SMAD3: variants seen among roughly 807,000 people sequenced by gnomAD.
SMAD3 encodes the protein SMAD family member 3.
A neutral mutation model predicts 51.8 loss-of-function variants in SMAD3; 12 were observed. The ratio of observed to expected loss-of-function variants is 0.23; its 90% confidence interval spans 0.15 to 0.38. The LOEUF is 0.38. Ranked by LOEUF, SMAD3 falls within the 10% of genes least tolerant of loss-of-function variation. The pLI is 1.00. For missense variants in SMAD3, 294 were observed against 565.6 expected, an observed-to-expected ratio of 0.52 and a Z score of 4.87; for synonymous variants, 238 against 227.7, an observed-to-expected ratio of 1.05 and a Z score of -0.41.
chr15:67,069,051 T>A (rs1959991413), intron 1 of SMAD3, among the ~76,000 whole-genome samples: 2 of 152,146 alleles, frequency 1.3e-5, no homozygotes, highest in African/African-American at 4.8e-5. Flanking sequence ...TCTAAGGAGA[T>A]TAAGCCAAGT....
intron 1 of SMAD3, among the ~76,000 whole-genome samples, chr15:67,069,293 C>A (rs1331704948): frequency 6.6e-6 from 1 of 152,176 alleles, no homozygotes; most frequent in Non-Finnish European, 1.5e-5. Flanking sequence ...AAGGGGCTGT[C>A]AGGATACTCT....
At chr15:67,127,929 G>A (rs1961431889) in intron 1 of SMAD3, among the ~76,000 whole-genome samples, 1 of 152,312 alleles carries the variant, frequency 6.6e-6, no homozygotes, top group Middle Eastern at 3.4e-3. Context: ...TAAATTTTCA[G>A]CCTTGCTAAT....
intron 1 of SMAD3, among the ~76,000 whole-genome samples, chr15:67,098,103 T>G (rs1299849996): frequency 6.6e-6 from 1 of 152,110 alleles, no homozygotes; most frequent in Non-Finnish European, 1.5e-5. Flanking sequence ...AGATGACATA[T>G]GGAGAAATCG....
chr15:67,190,209 G>A lies in SMAD3; in HGVS notation c.1155-204G>A, dbSNP rs148131186. Among the ~76,000 whole-genome samples, 286 of 152,220 alleles carry A rather than the reference G, an allele frequency of 1.9e-3. 1 individual carries two copies. Among genetic ancestry groups the A allele is most frequent in the African/African-American group, 6.6e-3 (272 of 41,522 alleles). ...AAGTCGACTTCCTTCCCCCTCAAGA[G>A]AACTTAATTTACTCAAAGTCCTCCC... On this transcript the variant is annotated intron_variant, in intron 8 of 8. Coordinates refer to ENST00000327367, the MANE Select transcript of SMAD3 (RefSeq NM_005902.4).
chr15:67,110,296 C>T (rs918530447), intron 1 of SMAD3, among the ~76,000 whole-genome samples: 6 of 152,128 alleles, frequency 3.9e-5, no homozygotes, highest in Admixed American at 1.3e-4. Flanking sequence ...TTGGAACATT[C>T]GAGGGAGAAT....
Position 67,099,004 on chromosome 15 carries a change from T to C in SMAD3, c.206+32644T>C, listed in dbSNP as rs757069251. ...CCCCAAACTGTGGACAGAGCGTATG[T>C]CCTGAGCGAGGATCAACTCTGTGAG... On this transcript the variant is annotated intron_variant, in intron 1 of 8. Transcript: ENST00000327367. The C allele has an allele frequency of 4.3e-6, 3 of 702,358 alleles. No homozygotes were observed. In the South Asian group the frequency reaches 4.4e-5, roughly 10 times the overall value. The allele number at this position is 702,358 out of a possible 1,614,324, so 43.5% of individuals were successfully genotyped here.
chr15:67,177,572 G>A (rs753088510), intron 5 of SMAD3, among the ~76,000 whole-genome samples: 18 of 151,950 alleles, frequency 1.2e-4, no homozygotes, highest in South Asian at 4.2e-4. Context: ...ACAGGCACCC[G>A]TCACCACACC....
intron 1 of SMAD3, among the ~76,000 whole-genome samples, chr15:67,071,579 A>G (rs1388039612): frequency 6.6e-6 from 1 of 152,166 alleles, no homozygotes; most frequent in Non-Finnish European, 1.5e-5. Context: ...TGGGAGGCCG[A>G]GGCAGGCGGA....
intron 1 of SMAD3, among the ~76,000 whole-genome samples, chr15:67,116,685 A>G (rs1961142668): frequency 6.6e-6 from 1 of 152,186 alleles, no homozygotes. Context: ...AGCCTGTGGG[A>G]CCTAAATGGG....
intron 1 of SMAD3, among the ~76,000 whole-genome samples, chr15:67,096,804 G>T (rs1225762397): frequency 2.6e-5 from 4 of 152,142 alleles, no homozygotes; most frequent in Admixed American, 2.6e-4. Flanking sequence ...TTGTCTCCTG[G>T]GTTGCGGAGC....
intron 1 of SMAD3, among the ~76,000 whole-genome samples, chr15:67,082,794 G>A (rs1277632935): frequency 1.3e-5 from 2 of 152,134 alleles, no homozygotes; most frequent in Non-Finnish European, 2.9e-5. Context: ...CCAAGGCCTC[G>A]TGTTTTGTTT....
intron 1 of SMAD3, among the ~76,000 whole-genome samples, chr15:67,127,306 G>A (rs28393936): frequency 6.6e-6 from 1 of 152,148 alleles, no homozygotes; most frequent in Non-Finnish European, 1.5e-5. Flanking sequence ...GCCTCCCCCT[G>A]TAAAAAAGGA....
In SMAD3 at chr15:67,164,837, G is replaced by T. The variant is rs1962530999; in HGVS notation, c.207-58G>T. On this transcript the variant is annotated intron_variant, in intron 1 of 8. Coordinates refer to ENST00000327367, the MANE Select transcript of SMAD3 (RefSeq NM_005902.4). ...GTCTGAAAGTAGGAGGCCGGACTCT[G>T]CAGAAAGCAAGCACAATCCACATTT... 3 of 1,577,202 alleles carry T rather than the reference G, an allele frequency of 1.9e-6. No homozygotes were observed. The Admixed American group carries it at 5.0e-5, about 26-fold the overall frequency.
chr15:67,133,378 T>C (rs1329501771), intron 1 of SMAD3, among the ~76,000 whole-genome samples: 2 of 152,070 alleles, frequency 1.3e-5, no homozygotes, highest in Non-Finnish European at 2.9e-5. Context: ...AATGCCAATA[T>C]TATATGCCCT....
intron 1 of SMAD3, 79 bp downstream of exon 1, chr15:67,066,439 G>C: frequency 7.1e-6 from 8 of 1,133,208 alleles, no homozygotes; most frequent in Non-Finnish European, 1.0e-5. Context: ...AGTGGGGCTG[G>C]AGATGGGAAG....
chr15:67,140,292 C>A (rs940670493), intron 1 of SMAD3, among the ~76,000 whole-genome samples: 1 of 152,202 alleles, frequency 6.6e-6, no homozygotes, highest in African/African-American at 2.4e-5. Flanking sequence ...TCCTAGTCCC[C>A]ACTGAAAATG....
At position 67,193,252 on chromosome 15, in the gene SMAD3, T is replaced by C. The variant is rs924192818; in HGVS notation, c.*2716T>C. 1 of 233,278 alleles carries C rather than the reference T, an allele frequency of 4.3e-6. No individual in the cohort carries two copies. Among genetic ancestry groups the C allele is most frequent in the Non-Finnish European group, 8.5e-6 (1 of 118,020 alleles). 14.5% of individuals were successfully genotyped at this position (233,278 alleles called of 1,614,324 possible). A position where few individuals can be genotyped will look rare whatever the true frequency, so the allele number is the denominator to read the frequency against. On this transcript the variant is annotated 3_prime_UTR_variant, in exon 9 of 9. Coordinates refer to ENST00000327367, the MANE Select transcript of SMAD3 (RefSeq NM_005902.4). ...AGGAGTGCTGGTGACTGGATAGCAG[T>C]TTTAAGTGGCGTTCACCTAGTCAAC...
At chr15:67,166,409 G>A (rs1962589910) in intron 3 of SMAD3, 1 of 410,284 alleles carries the variant, frequency 2.4e-6, no homozygotes, top group Admixed American at 3.6e-5. Context: ...TGAGCCTGCA[G>A]ATCTTCAGAG....
chr15:67,157,394 C>G (rs1405998271), intron 1 of SMAD3, among the ~76,000 whole-genome samples: 1 of 152,236 alleles, frequency 6.6e-6, no homozygotes, highest in Non-Finnish European at 1.5e-5. Flanking sequence ...CTGCCCCTAT[C>G]TCCCATGTAT....
Sources: allele counts gnomAD v4.1 joint callset (sites outside exome capture counted in the v4.1 genomes callset), GRCh38; gene constraint gnomAD v4.1.1; transcripts MANE v1.5; gene names NCBI Gene and HGNC (gene_info 2026-07-23, HGNC 2026-07-21).